PTGER3: variants seen among roughly 807,000 people sequenced by gnomAD.
PTGER3 encodes prostaglandin E receptor 3.
PTGER3 carries 22 observed loss-of-function variants against 34.7 expected under a neutral mutation model. The observed-to-expected ratio is 0.63, with a 90% CI of 0.45 to 0.91. The LOEUF (loss-of-function observed/expected upper bound fraction) is 0.91. PTGER3 is among the 40% of genes least tolerant of loss of function. PTGER3 has a pLI of 0.00. For missense variants in PTGER3, 468 were observed against 519.4 expected, an observed-to-expected ratio of 0.90 and a Z score of 0.96; for synonymous variants, 241 against 230.1, an observed-to-expected ratio of 1.05 and a Z score of -0.43.
At chr1:71,000,404 T>C (rs537553339) in intron 2 of PTGER3, among the ~76,000 whole-genome samples, 3 of 152,324 alleles carry the variant, frequency 2.0e-5, no homozygotes, top group South Asian at 4.1e-4. Context: ...TCTGCCACTA[T>C]GGTCATTATC....
chr1:71,003,045 A>G (rs981495475), intron 2 of PTGER3, among the ~76,000 whole-genome samples: 1 of 152,208 alleles, frequency 6.6e-6, no homozygotes, highest in African/African-American at 2.4e-5. Flanking sequence ...CATCTTCTTT[A>G]ATAAGGAAAG....
At position 71,033,233 on chromosome 1, in the gene PTGER3, A is replaced by G. The variant is rs1659556770; in HGVS notation, c.897+13448T>C. ...CTATTTCTTGTCAGAGTCATAGGAC[A>G]GGGATTAGAGAAATTTCAAAATGTC... On this transcript the variant is annotated intron_variant, in intron 1 of 3. Transcript: ENST00000306666. 2.6e-5 allele frequency among the ~76,000 whole-genome samples: 4 copies of G among 152,322 alleles called. No individual in the cohort carries two copies. The South Asian group carries it at 6.2e-4, about 24-fold the overall frequency.
At chr1:70,939,477 A>G (rs1649556026) in intron 4 of PTGER3, among the ~76,000 whole-genome samples, 1 of 152,214 alleles carries the variant, frequency 6.6e-6, no homozygotes, top group East Asian at 1.9e-4. Context: ...CTCTGACCCC[A>G]CATTTCCCTT....
chr1:71,028,009 T>C (rs2744897), intron 1 of PTGER3, among the ~76,000 whole-genome samples: 139,243 of 152,140 alleles, frequency 0.92, 63,823 homozygotes, highest in African/African-American at 0.96. Context: ...TTGAGGGTTT[T>C]CCACCTTTAT....
intron 4 of PTGER3, among the ~76,000 whole-genome samples, chr1:70,878,198 G>A (rs147752670): frequency 4.3e-4 from 65 of 152,154 alleles, no homozygotes; most frequent in African/African-American, 1.5e-3. Flanking sequence ...GTTCAATCTT[G>A]GGAGGTTATA....
chr1:70,928,900 A>G (rs1572676058), intron 4 of PTGER3, among the ~76,000 whole-genome samples: 2 of 150,570 alleles, frequency 1.3e-5, no homozygotes, highest in South Asian at 4.2e-4. Context: ...CACACACTAT[A>G]TATATACACA....
intron 2 of PTGER3, chr1:71,009,423 A>G (rs1410226778): frequency 1.0e-6 from 1 of 981,298 alleles, no homozygotes; most frequent in African/African-American, 1.8e-5. Flanking sequence ...TATATACAGC[A>G]CTAGGTTAAC....
intron 2 of PTGER3, among the ~76,000 whole-genome samples, chr1:70,957,773 G>A (rs1280161297): frequency 6.6e-6 from 1 of 152,090 alleles, no homozygotes; most frequent in African/African-American, 2.4e-5. Context: ...ACTGTATTGT[G>A]TAATACAACA....
At chr1:70,855,837 A>C (rs1645789755) in intron 4 of PTGER3, among the ~76,000 whole-genome samples, 1 of 152,210 alleles carries the variant, frequency 6.6e-6, no homozygotes, top group Non-Finnish European at 1.5e-5. Context: ...CTGGAGAGAC[A>C]ATCATATTAA....
In PTGER3 at chr1:70,970,841, T is replaced by C; in HGVS notation, c.*889A>G. 1.1e-6 allele frequency: 1 copy of C among 924,262 alleles called. No homozygotes were observed. 57.3% of individuals were successfully genotyped at this position (924,262 alleles called of 1,614,324 possible). On this transcript the variant is annotated 3_prime_UTR_variant, in exon 4 of 4. Transcript: ENST00000306666. ...ACAGACAAAATAGATTCTTTTATTT[T>C]ATAAAAACGTAATAAAGTTTGTTAT... is the stretch of plus-strand genomic sequence containing the variant.
intron 4 of PTGER3, among the ~76,000 whole-genome samples, chr1:70,857,960 G>A (rs947673689): frequency 1.7e-4 from 26 of 152,154 alleles, no homozygotes; most frequent in African/African-American, 6.3e-4. Flanking sequence ...TTCTGCTTAT[G>A]TATTCTCTTC....
chr1:70,888,330 A>C (rs1325453545), intron 4 of PTGER3, among the ~76,000 whole-genome samples: 1 of 152,256 alleles, frequency 6.6e-6, no homozygotes, highest in Non-Finnish European at 1.5e-5. Flanking sequence ...AGGGAAGTTC[A>C]GGAACATCAA....
At chr1:70,954,843 TA>T (rs35648522) in intron 2 of PTGER3, among the ~76,000 whole-genome samples, 1 of 151,490 alleles carries the variant, frequency 6.6e-6, no homozygotes, top group African/African-American at 2.4e-5. Flanking sequence ...ACATGACCGT[TA>T]AAAAAAAGAA....
rs537112405 is a variant in PTGER3 at position 70,961,677 on chromosome 1, C to T, written c.1078-7888G>A. ...TTCCTCTTAACTTTGAAAGTATTTA[C>T]GTGTGAGTTATGCTCTACAAGTTTT... On this transcript the variant is annotated intron_variant, in intron 2 of 3. Coordinates refer to the PTGER3 transcript ENST00000356595. 3.9e-5 allele frequency among the ~76,000 whole-genome samples: 6 copies of T among 152,296 alleles called. No individual in the cohort carries two copies. In the South Asian group the frequency reaches 8.3e-4, roughly 21 times the overall value.
At chr1:71,040,886 A>T (rs1045956443) in intron 1 of PTGER3, among the ~76,000 whole-genome samples, 1 of 152,168 alleles carries the variant, frequency 6.6e-6, no homozygotes, top group Non-Finnish European at 1.5e-5. Context: ...CTAACTTGAG[A>T]TCTTAGCCAA....
intron 4 of PTGER3, among the ~76,000 whole-genome samples, chr1:70,918,131 A>T (rs1160705176): frequency 6.6e-6 from 1 of 152,060 alleles, no homozygotes; most frequent in Non-Finnish European, 1.5e-5. Flanking sequence ...TACCAACAAC[A>T]CAAGACATAC....
intron 2 of PTGER3, among the ~76,000 whole-genome samples, chr1:70,978,118 C>T (rs1653888248): frequency 6.6e-6 from 1 of 152,088 alleles, no homozygotes; most frequent in South Asian, 2.1e-4. Context: ...ATTCAAATGC[C>T]AGCAGTCTAG....
chr1:71,008,707 T>C, intron 2 of PTGER3: 1 of 982,212 alleles, frequency 1.0e-6, no homozygotes, highest in Non-Finnish European at 1.2e-6. Flanking sequence ...GCACATTTTT[T>C]AGACCTCAGT....
At chr1:70,945,553 T>A (rs1650149077) in intron 4 of PTGER3, among the ~76,000 whole-genome samples, 1 of 152,088 alleles carries the variant, frequency 6.6e-6, no homozygotes, top group Admixed American at 6.6e-5. Flanking sequence ...GTAAAGTTTT[T>A]TTTATGAAAA....
Sources: allele counts gnomAD v4.1 joint callset (sites outside exome capture counted in the v4.1 genomes callset), GRCh38; gene constraint gnomAD v4.1.1; transcripts MANE v1.5; gene names NCBI Gene and HGNC (gene_info 2026-07-23, HGNC 2026-07-21).